The following THSD7B variants were observed in gnomAD, a reference collection of about 807,000 sequenced individuals.
The protein encoded by THSD7B is thrombospondin type-1 domain-containing protein 7B.
THSD7B carries 138 observed loss-of-function variants against 213.6 expected under a neutral mutation model. That is an observed-to-expected ratio of 0.65 (90% CI 0.56 to 0.74). The LOEUF (loss-of-function observed/expected upper bound fraction) is 0.74, where lower values mean the gene tolerates loss of function less well. Ranked by LOEUF, THSD7B falls within the 30% of genes least tolerant of loss-of-function variation. The pLI is 0.00. For missense variants in THSD7B, 1,931 were observed against 1,991.5 expected, an observed-to-expected ratio of 0.97 and a Z score of 0.58; for synonymous variants, 742 against 687.0, an observed-to-expected ratio of 1.08 and a Z score of -1.25.
At chr2:136,936,286 G>T (rs1286182792) in intron 2 of THSD7B, among the ~76,000 whole-genome samples, 2 of 152,166 alleles carry the variant, frequency 1.3e-5, no homozygotes, top group East Asian at 1.9e-4. Context: ...ACTAAAAGTA[G>T]AACTACCATT....
At chr2:137,616,911 G>A (rs1682397949) in intron 18 of THSD7B, among the ~76,000 whole-genome samples, 1 of 152,144 alleles carries the variant, frequency 6.6e-6, no homozygotes, top group Non-Finnish European at 1.5e-5. Flanking sequence ...ATTCCCTGCA[G>A]CAGCAGACAT....
At chr2:137,622,228 C>A (rs767375151) in intron 20 of THSD7B, among the ~76,000 whole-genome samples, 18 of 151,272 alleles carry the variant, frequency 1.2e-4, no homozygotes, top group Non-Finnish European at 2.5e-4. Context: ...CTCTCACATG[C>A]AAAATACAAT....
chr2:137,093,702 CT>C (rs1687991632), intron 3 of THSD7B, among the ~76,000 whole-genome samples: 1 of 152,164 alleles, frequency 6.6e-6, no homozygotes. Context: ...TTCAGTGTTT[CT>C]CATCATTACA....
chr2:137,323,661 G>C (rs182583869), intron 12 of THSD7B, among the ~76,000 whole-genome samples: 2 of 152,160 alleles, frequency 1.3e-5, no homozygotes, highest in East Asian at 3.9e-4. Context: ...TAGCGACTAA[G>C]TGAGTGTTTA....
intron 2 of THSD7B, among the ~76,000 whole-genome samples, chr2:136,925,740 G>GA (rs1684512194): frequency 6.6e-6 from 1 of 152,042 alleles, no homozygotes; most frequent in Non-Finnish European, 1.5e-5. Flanking sequence ...TAAGGGGATT[G>GA]GTGTTAATTT....
intron 12 of THSD7B, among the ~76,000 whole-genome samples, chr2:137,356,977 C>G (rs889900624): frequency 1.1e-4 from 16 of 147,102 alleles, no homozygotes; most frequent in African/African-American, 4.2e-4. Context: ...GACACACACA[C>G]ACACACACAC....
chr2:136,956,887 C>T lies in THSD7B; in HGVS notation c.139+74570C>T, dbSNP rs551089153. Among the ~76,000 whole-genome samples the T allele has an allele frequency of 2.6e-5, 4 of 152,036 alleles. No homozygotes were observed. The South Asian group carries it at 8.3e-4, about 32-fold the overall frequency. On this transcript the variant is annotated intron_variant, in intron 2 of 27. Transcript: ENST00000409968. ...TAGAGACGGGGCTTGACCATGTTGA[C>T]CAGGCTAATCTTGAACTTCTGATCT...
At chr2:136,881,524 C>T (rs1407152514) in intron 1 of THSD7B, among the ~76,000 whole-genome samples, 2 of 152,048 alleles carry the variant, frequency 1.3e-5, no homozygotes, top group African/African-American at 4.8e-5. Flanking sequence ...ATTTGCAATA[C>T]CATCATAATA....
At chr2:137,303,742 A>ATATATATATATTTT (rs1683671495) in intron 12 of THSD7B, among the ~76,000 whole-genome samples, 2 of 117,568 alleles carry the variant, frequency 1.7e-5, no homozygotes, top group East Asian at 4.2e-4. Flanking sequence ...ATATATATTT[A>ATATATATATATTTT]TATATATATA....
intron 1 of THSD7B, among the ~76,000 whole-genome samples, chr2:136,820,520 G>C (rs1200364035): frequency 2.6e-5 from 4 of 152,148 alleles, no homozygotes; most frequent in Admixed American, 1.3e-4. Flanking sequence ...TAACTGTCTG[G>C]TATCCTTCAA....
At position 137,676,648 on chromosome 2, in the gene THSD7B, G is replaced by A. The variant is rs763765478; in HGVS notation, c.*43G>A. Reference sequence around the variant, plus strand: ...AATGTAGACATCAACTGCCTTAACCGCTTTCTCTTTTGTAGCTCTCAGACT... The same window carrying A: ...AATGTAGACATCAACTGCCTTAACCACTTTCTCTTTTGTAGCTCTCAGACT... On this transcript the variant is annotated 3_prime_UTR_variant, in exon 28 of 28. Transcript: ENST00000409968. 63 of 1,491,952 alleles carry A rather than the reference G, an allele frequency of 4.2e-5. 1 individual carries two copies. In the Middle Eastern group the frequency reaches 8.7e-4, roughly 20 times the overall value. 92.4% of individuals were successfully genotyped at this position (1,491,952 alleles called of 1,614,324 possible).
At chr2:137,572,135 TCAAGGTCAACCATTGCCTTTAGTC>T (rs977724044) in intron 16 of THSD7B, among the ~76,000 whole-genome samples, 8 of 152,160 alleles carry the variant, frequency 5.3e-5, no homozygotes, top group Admixed American at 1.3e-4. Context: ...ATAAAGTTCT[TCAAGGTCAACCATTGCCTTTAGTC>T]CAAGGTCAAC....
intron 1 of THSD7B, among the ~76,000 whole-genome samples, chr2:136,776,781 A>G (rs550425366): frequency 5.9e-5 from 9 of 152,326 alleles, no homozygotes; most frequent in African/African-American, 2.2e-4. Flanking sequence ...AGGAAGGGGA[A>G]CTAGGCTGAT....
chr2:137,316,220 C>T (rs576602799), intron 12 of THSD7B, among the ~76,000 whole-genome samples: 5 of 152,200 alleles, frequency 3.3e-5, no homozygotes, highest in Non-Finnish European at 5.9e-5. Flanking sequence ...AATACCACAA[C>T]CGATACCTTC....
In THSD7B at chr2:137,256,970, G is replaced by A. The variant is rs532752417; in HGVS notation, c.2266+14398G>A. Among the ~76,000 whole-genome samples the A allele has an allele frequency of 8.5e-5, 13 of 152,244 alleles. No individual in the cohort carries two copies. In the East Asian group the frequency reaches 1.9e-3, roughly 23 times the overall value. ...GCATTTGGTGAGAGCCTTCTTGCTC[G>A]TGGGGAGTCTACAGAGTCCCAAGGT... On this transcript the variant is annotated intron_variant, in intron 10 of 27. Coordinates refer to ENST00000409968, the MANE Select transcript of THSD7B (RefSeq NM_001316349.2).
At chr2:137,014,656 G>A (rs970806472) in intron 2 of THSD7B, among the ~76,000 whole-genome samples, 1 of 152,202 alleles carries the variant, frequency 6.6e-6, no homozygotes, top group South Asian at 2.1e-4. Flanking sequence ...GCCTGTTGGG[G>A]TTGGTCTGTT....
chr2:137,092,797 C>T (rs142567104), intron 3 of THSD7B, among the ~76,000 whole-genome samples: 120 of 152,238 alleles, frequency 7.9e-4, no homozygotes, highest in African/African-American at 2.8e-3. Context: ...ACCACCATGC[C>T]TTGCTAATTT....
At chr2:136,778,370 C>A (rs16836618) in intron 1 of THSD7B, among the ~76,000 whole-genome samples, 8 of 152,270 alleles carry the variant, frequency 5.3e-5, no homozygotes, top group Non-Finnish European at 1.2e-4. Context: ...ACGTCTCCCT[C>A]CCGTGACTCA....
At chr2:136,986,255 C>T (rs1021129569) in intron 2 of THSD7B, among the ~76,000 whole-genome samples, 5 of 152,124 alleles carry the variant, frequency 3.3e-5, no homozygotes, top group African/African-American at 1.2e-4. Flanking sequence ...TAGATTTGGG[C>T]AGCCAGGGAT....
Sources: gnomAD v4.1 joint callset for allele counts (sites outside exome capture counted in the v4.1 genomes callset) on GRCh38, gnomAD v4.1.1 for gene constraint, MANE v1.5 for transcripts, NCBI Gene and HGNC (gene_info 2026-07-23, HGNC 2026-07-21) for gene names.